Variants in MTHFD1L observed in about 807,000 individuals in gnomAD.
The protein encoded by MTHFD1L is methylenetetrahydrofolate dehydrogenase (NADP+ dependent) 1 like.
Under a neutral mutation model 119.5 loss-of-function variants are expected in MTHFD1L, and 81 were observed. The ratio of observed to expected loss-of-function variants is 0.68; its 90% CI spans 0.57 to 0.82. MTHFD1L has a LOEUF of 0.82. Among genes scored for constraint, MTHFD1L ranks in the 40% least tolerant of loss-of-function variants. The pLI is 0.00. For missense variants in MTHFD1L, 1,125 were observed against 1,253.4 expected (o/e 0.90, Z 1.55); for synonymous variants, 430 against 475.2 (o/e 0.90, Z 1.24).
At chr6:150,912,630 G>T (rs746299996) in intron 8 of MTHFD1L, 3 of 478,238 alleles carry the variant, frequency 6.3e-6, no homozygotes, top group Non-Finnish European at 1.3e-5. Context: ...TCTGAGGAAG[G>T]CATGATAACA....
At chr6:151,092,657 T>C in intron 27 of MTHFD1L, 70 bp downstream of exon 27, 1 of 863,712 alleles carries the variant, frequency 1.2e-6, no homozygotes, top group Non-Finnish European at 1.8e-6. Flanking sequence ...TTGTCATTTT[T>C]TTTTTCTGAT....
At position 150,879,343 on chromosome 6, in the gene MTHFD1L, G is replaced by A. The variant is rs568308641; in HGVS notation, c.417+1517G>A. Among the ~76,000 whole-genome samples the A allele has an allele frequency of 3.3e-5, 5 of 151,958 alleles. No homozygotes were observed. In the South Asian group the frequency reaches 6.2e-4, roughly 19 times the overall value. ...GTCTCGCTCTGTCAGGCTGGAGTGC[G>A]GTGGTGCAATCTTGGCTCACTGCAA... On this transcript the variant is annotated intron_variant, in intron 4 of 27. Transcript: ENST00000367321.
chr6:151,009,184 C>T (rs1353408318), intron 20 of MTHFD1L, among the ~76,000 whole-genome samples: 2 of 150,950 alleles, frequency 1.3e-5, no homozygotes, highest in African/African-American at 2.4e-5. Flanking sequence ...CTATCATTGC[C>T]TTTTGAAACA....
intron 20 of MTHFD1L, among the ~76,000 whole-genome samples, chr6:150,982,953 G>A (rs758344248): frequency 6.6e-6 from 1 of 152,110 alleles, no homozygotes; most frequent in Non-Finnish European, 1.5e-5. Flanking sequence ...ACCCACCTTG[G>A]CCTCCCAAAG....
chr6:150,900,384 C>T (rs1199870213), intron 7 of MTHFD1L, among the ~76,000 whole-genome samples: 1 of 152,114 alleles, frequency 6.6e-6, no homozygotes, highest in Non-Finnish European at 1.5e-5. Flanking sequence ...TTCGTTATCT[C>T]TAACCATTTA....
At chr6:150,909,843 A>G (rs2128862891) in intron 8 of MTHFD1L, among the ~76,000 whole-genome samples, 1 of 152,202 alleles carries the variant, frequency 6.6e-6, no homozygotes, top group East Asian at 1.9e-4. Flanking sequence ...GTCCCGAGGG[A>G]CCTTGAGACT....
chr6:150,947,804 C>T (rs561732265), intron 15 of MTHFD1L, among the ~76,000 whole-genome samples: 45 of 152,126 alleles, frequency 3.0e-4, no homozygotes, highest in Non-Finnish European at 3.8e-4. Flanking sequence ...CCCTGGCTAA[C>T]GCAGCCAGCA....
At chr6:151,067,026 C>A (rs140736798) in intron 26 of MTHFD1L, among the ~76,000 whole-genome samples, 4,500 of 144,398 alleles carry the variant, frequency 0.031, 129 homozygotes, top group Admixed American at 0.099. Flanking sequence ...CAGAGTCTTG[C>A]TCTGTAGCCC....
At chr6:151,001,671 C>A (rs1371781429) in intron 20 of MTHFD1L, among the ~76,000 whole-genome samples, 2 of 152,064 alleles carry the variant, frequency 1.3e-5, no homozygotes, top group Non-Finnish European at 2.9e-5. Flanking sequence ...AATACCTGGA[C>A]CTCAGGAGGC....
chr6:151,090,596 G>A (rs906235863), intron 26 of MTHFD1L, among the ~76,000 whole-genome samples: 1 of 152,236 alleles, frequency 6.6e-6, no homozygotes, highest in African/African-American at 2.4e-5. Context: ...GAAAGGCAGT[G>A]GAGGGTGAGA....
At chr6:150,974,862 G>A (rs1490377895) in intron 20 of MTHFD1L, among the ~76,000 whole-genome samples, 3 of 151,638 alleles carry the variant, frequency 2.0e-5, no homozygotes, top group South Asian at 2.1e-4. Flanking sequence ...TCAGCCTCCC[G>A]AGTAGCTGGG....
At chr6:150,923,125 A>T (rs11755049) in intron 10 of MTHFD1L, among the ~76,000 whole-genome samples, 12,279 of 152,228 alleles carry the variant, frequency 0.081, 692 homozygotes, top group Non-Finnish European at 0.13. Context: ...CAAACCAAAC[A>T]TTATTCCACG....
At chr6:150,898,775 CTCTT>C (rs1784661598) in intron 7 of MTHFD1L, 1 of 354,710 alleles carries the variant, frequency 2.8e-6, no homozygotes, top group Non-Finnish European at 5.3e-6. Context: ...CATACACATT[CTCTT>C]TCTTAGCCCC....
At chr6:151,090,361 G>A (rs1462261753) in intron 26 of MTHFD1L, among the ~76,000 whole-genome samples, 2 of 152,230 alleles carry the variant, frequency 1.3e-5, no homozygotes, top group African/African-American at 2.4e-5. Context: ...AGCTGTTGGG[G>A]GCTGAGGCCA....
At chr6:150,963,999 C>T (rs1796834204) in intron 18 of MTHFD1L, among the ~76,000 whole-genome samples, 1 of 152,168 alleles carries the variant, frequency 6.6e-6, no homozygotes, top group African/African-American at 2.4e-5. Flanking sequence ...AACCCCATCT[C>T]TGCTAAAAAT....
intron 20 of MTHFD1L, among the ~76,000 whole-genome samples, chr6:150,980,557 T>A (rs1400756440): frequency 1.3e-5 from 2 of 152,112 alleles, no homozygotes. Flanking sequence ...TGTCGCTGTG[T>A]GTCCTTTAGT....
rs551381943 is a variant in MTHFD1L, at chr6:150,879,624, GT to G, written c.417+1819del. Among the ~76,000 whole-genome samples, 711 of 107,858 alleles carry G rather than the reference GT, an allele frequency of 6.6e-3. 7 individuals are homozygous for G. Among genetic ancestry groups the G allele is most frequent in the African/African-American group, 0.024 (630 of 26,450 alleles). 70.8% of individuals were successfully genotyped at this position (107,858 alleles called of 152,430 possible). A position where few individuals can be genotyped will look rare whatever the true frequency, so the allele number is the denominator to read the frequency against. Reference sequence around the variant, plus strand: ...TTCTTTAGGTTGTTTTGCCACTGGTGTTTTTTTTTTTTTTTTTTTTTCTGAG... The same window carrying G: ...TTCTTTAGGTTGTTTTGCCACTGGTGTTTTTTTTTTTTTTTTTTTTCTGAG... On this transcript the variant is annotated intron_variant, in intron 4 of 27. Coordinates refer to ENST00000367321, the MANE Select transcript of MTHFD1L (RefSeq NM_015440.5).
chr6:151,040,372 A>G (rs958496750), intron 26 of MTHFD1L, among the ~76,000 whole-genome samples: 2 of 152,222 alleles, frequency 1.3e-5, no homozygotes, highest in African/African-American at 4.8e-5. Flanking sequence ...AAAATTGTGC[A>G]TTTAACTGAA....
At chr6:151,097,363 C>G (rs1794967350) in intron 27 of MTHFD1L, among the ~76,000 whole-genome samples, 1 of 152,074 alleles carries the variant, frequency 6.6e-6, no homozygotes, top group Non-Finnish European at 1.5e-5. Flanking sequence ...TTTAGGGCAT[C>G]TACAGACAAA....
Sources: allele counts gnomAD v4.1 joint callset (sites outside exome capture counted in the v4.1 genomes callset), GRCh38; gene constraint gnomAD v4.1.1; transcripts MANE v1.5; gene names NCBI Gene and HGNC (gene_info 2026-07-23, HGNC 2026-07-21).